The following YEATS2 variants were observed in gnomAD, a reference collection of about 807,000 sequenced individuals.
YEATS2 encodes the protein YEATS domain-containing protein 2.
In YEATS2, 77 loss-of-function variants were observed where a neutral mutation model predicts 163.2. The observed-to-expected ratio is 0.47, with a 90% CI of 0.39 to 0.57. The LOEUF is 0.57. Among genes scored for constraint, YEATS2 ranks in the 20% least tolerant of loss-of-function variants. YEATS2 has a pLI of 0.00. For synonymous variants in YEATS2, 631 were observed against 645.1 expected (o/e 0.98, Z 0.33); for missense variants, 1,549 against 1,729.8 (o/e 0.90, Z 1.85).
chr3:183,719,888 GTCCT>G (rs1345479816), intron 4 of YEATS2, among the ~76,000 whole-genome samples: 15 of 152,164 alleles, frequency 9.9e-5, no homozygotes, highest in African/African-American at 3.6e-4. Flanking sequence ...ATTTAAAATG[GTCCT>G]CCTACCTTTT....
chr3:183,733,502 G>A (rs1718021319), intron 7 of YEATS2, among the ~76,000 whole-genome samples: 1 of 152,174 alleles, frequency 6.6e-6, no homozygotes, highest in Non-Finnish European at 1.5e-5. Context: ...CAGGTATGGT[G>A]TAACCAATAT....
chr3:183,757,773 T>C (rs1255135463), intron 12 of YEATS2, among the ~76,000 whole-genome samples: 1 of 151,932 alleles, frequency 6.6e-6, no homozygotes, highest in Admixed American at 6.6e-5. Context: ...CCAAGCAGTT[T>C]TTTTTTTTTT....
At chr3:183,797,859 AGG>A (rs1725306033) in intron 21 of YEATS2, 62 bp from the exon 22 acceptor site, 5 of 1,602,028 alleles carry the variant, frequency 3.1e-6, no homozygotes, top group Admixed American at 1.7e-5. Context: ...GGTAGCACAG[AGG>A]ATAAGAGACT....
chr3:183,754,361 G>A lies in YEATS2; in HGVS notation c.1386G>A (p.Val462=). 6.2e-7 allele frequency: 1 copy of A among 1,612,834 alleles called. No individual in the cohort carries two copies. Among genetic ancestry groups the A allele is most frequent in the African/African-American group, 1.3e-5 (1 of 75,038 alleles). ...CCATCACCATGAGCTGCAAGATTGT[G>A]TCAGGTATGCAGATGTTTTGAAGAC... is the stretch of plus-strand genomic sequence containing the variant. ...FQPITMSCKI[V]SGSPISTPSP... is the part of the protein sequence containing the mutation. Residue 462 remains valine, a synonymous_variant, in exon 11 of 31, where the codon GTG becomes GTA. Transcript: ENST00000305135.
At chr3:183,772,930 C>G (rs1722629636) in intron 16 of YEATS2, among the ~76,000 whole-genome samples, 1 of 152,112 alleles carries the variant, frequency 6.6e-6, no homozygotes, top group Non-Finnish European at 1.5e-5. Context: ...CTATGTACAT[C>G]CTCTGATGTA....
At chr3:183,807,160 T>G (rs263031) in intron 28 of YEATS2, 68 bp downstream of exon 28, 1 of 1,420,700 alleles carries the variant, frequency 7.0e-7, no homozygotes, top group Non-Finnish European at 9.7e-7. Flanking sequence ...GACGTTCAGC[T>G]TCACAGACCC....
chr3:183,753,883 G>A (rs1422568116), intron 10 of YEATS2, among the ~76,000 whole-genome samples: 8 of 151,916 alleles, frequency 5.3e-5, no homozygotes, highest in Admixed American at 3.9e-4. Context: ...TTCTTTTTAT[G>A]TTATACATGG....
chr3:183,751,581 G>A (rs1720171447), intron 9 of YEATS2, among the ~76,000 whole-genome samples: 1 of 152,174 alleles, frequency 6.6e-6, no homozygotes, highest in African/African-American at 2.4e-5. Flanking sequence ...ATTCTTAGTG[G>A]CATTGAAAAT....
chr3:183,779,130 C>T (rs138449346), intron 19 of YEATS2, among the ~76,000 whole-genome samples: 69 of 151,710 alleles, frequency 4.5e-4, no homozygotes, highest in African/African-American at 9.9e-4. Context: ...AGGCTGGTCT[C>T]GAACTCCTGA....
Position 183,773,678 on chromosome 3 carries a change from C to T in YEATS2, c.2252C>T (p.Ala751Val). 6.2e-7 allele frequency: 1 copy of T among 1,611,524 alleles called. No individual in the cohort carries two copies. Among genetic ancestry groups the T allele is most frequent in the Non-Finnish European group, 8.5e-7 (1 of 1,179,242 alleles). ...QLPATNLANL[A>V]NLPPGTKLYL... The stretch of plus-strand genomic sequence containing the variant: ...CCAGCCACTAATTTGGCCAACTTGG[C>T]AAATTTGCCTCCTGGCACTAAACTC... The change falls in exon 17 of 31, where the codon GCA becomes GTA. Residue 751 changes from alanine (A) to valine (V), a missense_variant. Ala to Val is a moderately conservative substitution (Grantham distance 64, BLOSUM62 0). Transcript: ENST00000305135.
In YEATS2 at chr3:183,810,634, T is replaced by TAG. The variant is rs1488274359; in HGVS notation, c.*52_*53insGA. On this transcript the variant is annotated 3_prime_UTR_variant, in exon 31 of 31. Transcript: ENST00000305135. The stretch of plus-strand genomic sequence containing the variant: ...AGGCTTTGAAGGCACAGCGAAGCTG[T>TAG]AACTGAGGACCCTGCTGCTCGGGAA... The TAG allele has an allele frequency of 3.2e-6, 5 of 1,538,916 alleles. No homozygotes were observed. The highest frequency in any genetic ancestry group is 4.5e-6 in the Non-Finnish European group (5 of 1,115,374).
rs1009811965 is a variant in YEATS2, at chr3:183,793,456, A to G, written c.3097+2476A>G. Reference sequence around the variant, plus strand: ...CCCTGTGTTGGATACTGGAGTAGAAATTGTAGAAATAAAAGGAATTATTAT... The same window carrying G: ...CCCTGTGTTGGATACTGGAGTAGAAGTTGTAGAAATAAAAGGAATTATTAT... On this transcript the variant is annotated intron_variant, in intron 21 of 30. Transcript: ENST00000305135. 3 of 986,948 alleles carry G rather than the reference A, an allele frequency of 3.0e-6. No homozygotes were observed. In the African/African-American group the frequency reaches 5.4e-5, roughly 18 times the overall value. 61.1% of individuals were successfully genotyped at this position (986,948 alleles called of 1,614,324 possible).
chr3:183,759,693 G>A (rs1008695430), intron 13 of YEATS2, among the ~76,000 whole-genome samples: 4 of 152,074 alleles, frequency 2.6e-5, no homozygotes, highest in Admixed American at 6.6e-5. Context: ...ACGATTTTTC[G>A]ACTTTACCGT....
At chr3:183,749,919 G>C (rs1199918910) in intron 9 of YEATS2, among the ~76,000 whole-genome samples, 2 of 152,080 alleles carry the variant, frequency 1.3e-5, no homozygotes, top group African/African-American at 4.8e-5. Flanking sequence ...CCGGGTTCAC[G>C]CCATTCTCCT....
intron 20 of YEATS2, among the ~76,000 whole-genome samples, chr3:183,787,025 G>A (rs1048273893): frequency 3.3e-5 from 5 of 152,064 alleles, no homozygotes; most frequent in African/African-American, 1.2e-4. Context: ...CGAGATCTCG[G>A]CTCACTGGAA....
chr3:183,795,631 A>T (rs1725075122), intron 21 of YEATS2, among the ~76,000 whole-genome samples: 1 of 151,852 alleles, frequency 6.6e-6, no homozygotes, highest in South Asian at 2.1e-4. Flanking sequence ...ACTGAGATAA[A>T]CATTAATAAA....
chr3:183,718,465 G>A lies in YEATS2; in HGVS notation c.199-35G>A, dbSNP rs549191111. On this transcript the variant is annotated intron_variant, in intron 3 of 30. Coordinates refer to ENST00000305135, the MANE Select transcript of YEATS2 (RefSeq NM_018023.5). ...TTTGTACATCTCTTTTATAATTGCC[G>A]TTTTTTAAAGTAATGAGTTAACATT... The A allele has an allele frequency of 1.2e-5, 19 of 1,550,442 alleles. No individual in the cohort carries two copies. The East Asian group carries it at 2.1e-4, about 17-fold the overall frequency.
intron 15 of YEATS2, among the ~76,000 whole-genome samples, chr3:183,763,720 A>G (rs903602962): frequency 6.6e-6 from 1 of 152,222 alleles, no homozygotes; most frequent in African/African-American, 2.4e-5. Context: ...CTTTCAGAGC[A>G]TCAGGGTTAA....
At chr3:183,791,463 G>A (rs1724647492) in intron 21 of YEATS2, among the ~76,000 whole-genome samples, 1 of 152,154 alleles carries the variant, frequency 6.6e-6, no homozygotes, top group Admixed American at 6.5e-5. Context: ...ATCAGATTTT[G>A]TCTGAGACTT....
Sources: gnomAD v4.1 joint callset for allele counts (sites outside exome capture counted in the v4.1 genomes callset) on GRCh38, gnomAD v4.1.1 for gene constraint, MANE v1.5 for transcripts, NCBI Gene and HGNC (gene_info 2026-07-23, HGNC 2026-07-21) for gene names.